HS6ST3: variants seen among roughly 807,000 people sequenced by gnomAD.
HS6ST3 encodes the protein heparan sulfate 6-O-sulfotransferase 3, also known as heparan-sulfate 6-O-sulfotransferase 3.
A neutral mutation model predicts 36.7 loss-of-function variants in HS6ST3; 12 were observed. That is an observed-to-expected ratio of 0.33 (90% CI 0.21 to 0.53). The LOEUF (loss-of-function observed/expected upper bound fraction) is 0.53. HS6ST3 is among the 20% of genes least tolerant of loss of function. The pLI, the probability that HS6ST3 is intolerant of heterozygous loss-of-function variation, is 0.95. For synonymous variants in HS6ST3, 240 were observed against 257.5 expected (o/e 0.93, Z 0.65); for missense variants, 584 against 640.9 (o/e 0.91, Z 0.96).
chr13:96,366,904 G>A (rs1379500892), intron 1 of HS6ST3, among the ~76,000 whole-genome samples: 1 of 152,090 alleles, frequency 6.6e-6, no homozygotes, highest in African/African-American at 2.4e-5. Flanking sequence ...GTTTTATAAA[G>A]GGGATTTCCC....
chr13:96,529,813 T>C (rs1044231392), intron 1 of HS6ST3, among the ~76,000 whole-genome samples: 7 of 152,234 alleles, frequency 4.6e-5, no homozygotes, highest in Admixed American at 1.3e-4. Flanking sequence ...TAAATTTAGA[T>C]AGGATCACCC....
intron 1 of HS6ST3, among the ~76,000 whole-genome samples, chr13:96,424,102 T>C (rs748419338): frequency 6.6e-6 from 1 of 152,206 alleles, no homozygotes; most frequent in Non-Finnish European, 1.5e-5. Flanking sequence ...AGTTCAGTAA[T>C]ATGAAATCCA....
At chr13:96,565,435 T>C (rs1390792772) in intron 1 of HS6ST3, among the ~76,000 whole-genome samples, 1 of 152,120 alleles carries the variant, frequency 6.6e-6, no homozygotes, top group Admixed American at 6.6e-5. Context: ...TCCTCAGCCA[T>C]AGCAGCCATG....
chr13:96,753,042 T>A (rs1008674312), intron 1 of HS6ST3, among the ~76,000 whole-genome samples: 7 of 152,198 alleles, frequency 4.6e-5, no homozygotes, highest in Admixed American at 3.3e-4. Flanking sequence ...TTCCCAGAGA[T>A]TTGTGTTGCC....
chr13:96,555,368 G>C (rs1032694797), intron 1 of HS6ST3, among the ~76,000 whole-genome samples: 1 of 152,136 alleles, frequency 6.6e-6, no homozygotes, highest in Non-Finnish European at 1.5e-5. Context: ...TTCAGGACCA[G>C]TGGTCAAATG....
chr13:96,534,508 G>A (rs2056147718), intron 1 of HS6ST3, among the ~76,000 whole-genome samples: 1 of 152,102 alleles, frequency 6.6e-6, no homozygotes, highest in East Asian at 1.9e-4. Flanking sequence ...ATACTAATTG[G>A]CACAGGGCCT....
intron 1 of HS6ST3, among the ~76,000 whole-genome samples, chr13:96,699,049 G>A (rs1875209948): frequency 6.6e-6 from 1 of 152,190 alleles, no homozygotes; most frequent in African/African-American, 2.4e-5. Flanking sequence ...CTAGCCATAT[G>A]TAGAAAGCTG....
chr13:96,376,053 C>T (rs1279484825), intron 1 of HS6ST3, among the ~76,000 whole-genome samples: 1 of 152,096 alleles, frequency 6.6e-6, no homozygotes, highest in Non-Finnish European at 1.5e-5. Context: ...GCCCCAGAAG[C>T]ATATGGAACC....
At chr13:96,205,144 G>A (rs1432463768) in intron 1 of HS6ST3, among the ~76,000 whole-genome samples, 4 of 151,502 alleles carry the variant, frequency 2.6e-5, no homozygotes, top group Admixed American at 1.3e-4. Flanking sequence ...AATAAGGGGG[G>A]TATTACCACT....
At chr13:96,264,925 G>A (rs917720786) in intron 1 of HS6ST3, among the ~76,000 whole-genome samples, 3 of 151,984 alleles carry the variant, frequency 2.0e-5, no homozygotes, top group Non-Finnish European at 2.9e-5. Flanking sequence ...TCTACCATTC[G>A]CTGAGCAGTT....
chr13:96,155,599 A>T (rs2054106664), intron 1 of HS6ST3, among the ~76,000 whole-genome samples: 2 of 152,060 alleles, frequency 1.3e-5, no homozygotes, highest in Non-Finnish European at 2.9e-5. Context: ...ATTTTTTTTT[A>T]AAAAAGGCTA....
intron 1 of HS6ST3, among the ~76,000 whole-genome samples, chr13:96,392,597 T>A (rs2139452587): frequency 6.6e-6 from 1 of 152,270 alleles, no homozygotes; most frequent in Middle Eastern, 3.4e-3. Flanking sequence ...AGTTGGTGAA[T>A]GAAGTTGAAA....
chr13:96,151,401 C>A (rs2054084135), intron 1 of HS6ST3, among the ~76,000 whole-genome samples: 2 of 67,856 alleles, frequency 2.9e-5, no homozygotes, highest in Non-Finnish European at 6.4e-5. Context: ...AAGACTCCAT[C>A]TTGGAAAAAA....
At chr13:96,181,259 C>T (rs1368428506) in intron 1 of HS6ST3, among the ~76,000 whole-genome samples, 2 of 151,882 alleles carry the variant, frequency 1.3e-5, no homozygotes, top group Admixed American at 6.6e-5. Flanking sequence ...TTTTTTTCCC[C>T]CAAACTTTCA....
At chr13:96,775,170 C>T (rs1424400364) in intron 1 of HS6ST3, among the ~76,000 whole-genome samples, 8 of 151,812 alleles carry the variant, frequency 5.3e-5, no homozygotes, top group Admixed American at 2.0e-4. Flanking sequence ...CTTATAAGAG[C>T]TCCTGAAGTA....
chr13:96,640,125 G>C (rs544239269), intron 1 of HS6ST3, among the ~76,000 whole-genome samples: 2 of 152,066 alleles, frequency 1.3e-5, no homozygotes, highest in East Asian at 3.9e-4. Context: ...TGTGTTTTAA[G>C]TTCTTTGAGA....
intron 1 of HS6ST3, among the ~76,000 whole-genome samples, chr13:96,336,643 C>G (rs2055102544): frequency 6.6e-6 from 1 of 152,090 alleles, no homozygotes; most frequent in African/African-American, 2.4e-5. Context: ...ACCAACCCTG[C>G]CTACACTTTG....
At chr13:96,150,757 T>C (rs2054081134) in intron 1 of HS6ST3, among the ~76,000 whole-genome samples, 1 of 152,176 alleles carries the variant, frequency 6.6e-6, no homozygotes, top group South Asian at 2.1e-4. Context: ...TACCCTAGAC[T>C]AGATGTCCAT....
intron 1 of HS6ST3, among the ~76,000 whole-genome samples, chr13:96,570,153 T>G (rs79978733): frequency 1.1e-4 from 16 of 152,342 alleles, no homozygotes; most frequent in African/African-American, 3.4e-4. Context: ...TTTTAAGAGA[T>G]AGATGTGTCT....
Sources: allele counts gnomAD v4.1 joint callset (sites outside exome capture counted in the v4.1 genomes callset), GRCh38; gene constraint gnomAD v4.1.1; transcripts MANE v1.5; gene names NCBI Gene and HGNC (gene_info 2026-07-23, HGNC 2026-07-21).